Variants in SPRED1 observed in about 807,000 individuals in gnomAD.
The protein encoded by SPRED1 is sprouty related EVH1 domain containing 1, also known as sprouty-related, EVH1 domain-containing protein 1.
A neutral mutation model predicts 52.3 loss-of-function variants in SPRED1; 18 were observed. The ratio of observed to expected loss-of-function variants is 0.34; its 90% CI spans 0.24 to 0.51. The LOEUF is 0.51. Among genes scored for constraint, SPRED1 ranks in the 20% least tolerant of loss-of-function variants. The pLI is 0.97. For synonymous variants in SPRED1, 155 were observed against 179.7 expected (o/e 0.86, Z 1.10); for missense variants, 485 against 551.0 (o/e 0.88, Z 1.20).
intron 3 of SPRED1, among the ~76,000 whole-genome samples, 192 bp downstream of exon 3, chr15:38,322,601 C>T (rs777050005): frequency 9.2e-5 from 14 of 152,142 alleles, no homozygotes; most frequent in African/African-American, 2.4e-4. Context: ...GTATTTGTCA[C>T]ATCATAGTCT....
chr15:38,321,093 A>G (rs1217377737), intron 2 of SPRED1, among the ~76,000 whole-genome samples: 1 of 152,202 alleles, frequency 6.6e-6, no homozygotes, highest in African/African-American at 2.4e-5. Flanking sequence ...ATAAGAGAAT[A>G]GTATTGCACT....
At chr15:38,294,891 C>A (rs1895001210) in intron 1 of SPRED1, among the ~76,000 whole-genome samples, 1 of 152,174 alleles carries the variant, frequency 6.6e-6, no homozygotes, top group Admixed American at 6.5e-5. Context: ...AAAAAACTCA[C>A]ATTTGATTAC....
At chr15:38,261,246 C>G (rs1894197816) in intron 1 of SPRED1, among the ~76,000 whole-genome samples, 1 of 152,092 alleles carries the variant, frequency 6.6e-6, no homozygotes, top group African/African-American at 2.4e-5. Flanking sequence ...TTTAATTTTT[C>G]TGATTTAAAA....
At position 38,278,826 on chromosome 15, in the gene SPRED1, C is replaced by CTTTTT. The variant is rs1199715229; in HGVS notation, c.33-20546_33-20545insTTTTT. On this transcript the variant is annotated intron_variant, in intron 1 of 6. Coordinates refer to ENST00000299084, the MANE Select transcript of SPRED1 (RefSeq NM_152594.3). ...ACACAACCATTATAACCTAACTACA[C>CTTTTT]TGTTTTTTTTTTTTTTTGTGAAATG... 2.3e-4 allele frequency among the ~76,000 whole-genome samples: 9 copies of CTTTTT among 39,924 alleles called. 1 individual carries two copies. Among genetic ancestry groups the CTTTTT allele is most frequent in the African/African-American group, 5.2e-4 (9 of 17,368 alleles). The allele number at this position is 39,924 out of a possible 152,430, so 26.2% of individuals were successfully genotyped here.
At chr15:38,340,546 T>G (rs1896007743) in intron 5 of SPRED1, among the ~76,000 whole-genome samples, 1 of 152,110 alleles carries the variant, frequency 6.6e-6, no homozygotes, top group South Asian at 2.1e-4. Flanking sequence ...TTTTTCTTTT[T>G]TTTTGAGACA....
chr15:38,347,707 T>G (rs1036475016), intron 5 of SPRED1, among the ~76,000 whole-genome samples: 3 of 152,026 alleles, frequency 2.0e-5, no homozygotes, highest in Non-Finnish European at 4.4e-5. Flanking sequence ...ATACATATTT[T>G]ATAGGATTAT....
chr15:38,265,773 G>C (rs967587626), intron 1 of SPRED1, among the ~76,000 whole-genome samples: 2 of 152,040 alleles, frequency 1.3e-5, no homozygotes, highest in Non-Finnish European at 2.9e-5. Flanking sequence ...ACATCTTACA[G>C]TTCAATCCAG....
intron 2 of SPRED1, among the ~76,000 whole-genome samples, chr15:38,303,971 TA>T (rs1431691010): frequency 1.3e-5 from 2 of 152,180 alleles, no homozygotes; most frequent in Admixed American, 1.3e-4. Flanking sequence ...TTATGATTAA[TA>T]AGTAATTAGG....
intron 1 of SPRED1, among the ~76,000 whole-genome samples, chr15:38,274,101 C>G (rs1421607849): frequency 6.6e-6 from 1 of 152,154 alleles, no homozygotes; most frequent in East Asian, 1.9e-4. Context: ...TCAGAAAATT[C>G]TTATGCTTAG....
chr15:38,286,258 A>T (rs1028949165), intron 1 of SPRED1, among the ~76,000 whole-genome samples: 1 of 149,806 alleles, frequency 6.7e-6, no homozygotes, highest in African/African-American at 2.4e-5. Context: ...AGTTTTGCAG[A>T]TTGCTTCAGA....
chr15:38,342,338 A>G (rs146231919), intron 5 of SPRED1, among the ~76,000 whole-genome samples: 289 of 152,152 alleles, frequency 1.9e-3, no homozygotes, highest in African/African-American at 6.8e-3. Context: ...TAATGCACAT[A>G]TCTACAGTAT....
At chr15:38,324,701 C>G in intron 3 of SPRED1, 62 bp from the exon 4 acceptor site, 1 of 1,252,688 alleles carries the variant, frequency 8.0e-7, no homozygotes, top group Non-Finnish European at 1.1e-6. Flanking sequence ...ATCAATTAGT[C>G]ATTAATACTG....
At chr15:38,339,679 T>G (rs1366602755) in intron 4 of SPRED1, 58 bp from the exon 5 acceptor site, 10 of 1,544,996 alleles carry the variant, frequency 6.5e-6, no homozygotes, top group Non-Finnish European at 8.1e-6. Context: ...GTATCTTATT[T>G]TGTGGTGGTG....
chr15:38,282,653 T>C (rs1350106245), intron 1 of SPRED1, among the ~76,000 whole-genome samples: 3 of 152,198 alleles, frequency 2.0e-5, no homozygotes, highest in African/African-American at 4.8e-5. Flanking sequence ...TTGGGGATCT[T>C]GGAAACACTT....
Position 38,349,491 on chromosome 15 carries a change from A to G in SPRED1, c.652A>G (p.Lys218Glu), listed in dbSNP as rs1446412856. 3 of 1,612,578 alleles carry G rather than the reference A, an allele frequency of 1.9e-6. No homozygotes were observed. The highest frequency in any genetic ancestry group is 2.5e-6 in the Non-Finnish European group (3 of 1,178,878). Reference sequence around the variant, plus strand: ...GGAATACGTACAGCGGCAAATATCCAAGGAATGTGGAAGCCTAAAGTCCCA... The same window carrying G: ...GGAATACGTACAGCGGCAAATATCCGAGGAATGTGGAAGCCTAAAGTCCCA... ...SMEYVQRQISKECGSLKSQNR... is the reference protein window; with the variant it reads ...SMEYVQRQISEECGSLKSQNR... The change falls in exon 6 of 7, where the codon AAG becomes GAG. Residue 218 changes from lysine (K) to glutamate (E), a missense_variant. Around this residue, in one of 5 missense-constraint regions of SPRED1, gnomAD observed 232 missense variants for 231.8 expected, o/e 1.00. Transcript: ENST00000299084.
At chr15:38,322,623 A>G (rs1895628166) in intron 3 of SPRED1, among the ~76,000 whole-genome samples, 1 of 152,198 alleles carries the variant, frequency 6.6e-6, no homozygotes, top group African/African-American at 2.4e-5. Flanking sequence ...TGTCAATTGC[A>G]TGTATTATCT....
chr15:38,325,267 A>G (rs988327600), intron 4 of SPRED1, among the ~76,000 whole-genome samples: 2 of 152,214 alleles, frequency 1.3e-5, no homozygotes, highest in Non-Finnish European at 1.5e-5. Context: ...AAAATCATGT[A>G]TAAAATTACC....
intron 1 of SPRED1, among the ~76,000 whole-genome samples, chr15:38,275,793 G>A (rs909798493): frequency 2.0e-5 from 3 of 152,164 alleles, no homozygotes; most frequent in East Asian, 1.9e-4. Context: ...AGTGCACCCC[G>A]CCGCTGGTGG....
chr15:38,272,827 A>G (rs7497487), intron 1 of SPRED1, among the ~76,000 whole-genome samples: 13,827 of 152,106 alleles, frequency 0.091, 760 homozygotes, highest in East Asian at 0.21. Flanking sequence ...GGCAACTTGT[A>G]TGTCTTCTTT....
Sources: gnomAD v4.1 joint callset for allele counts (sites outside exome capture counted in the v4.1 genomes callset) on GRCh38, gnomAD v4.1.1 for gene constraint, gnomAD v4.1.1 regional missense constraint, MANE v1.5 for transcripts, NCBI Gene and HGNC (gene_info 2026-07-23, HGNC 2026-07-21) for gene names.